DNAH11: variants seen among roughly 807,000 people sequenced by gnomAD.
DNAH11 encodes axonemal beta dynein heavy chain 11.
Under a neutral mutation model 526.0 loss-of-function variants are expected in DNAH11, and 442 were observed. The ratio of observed to expected loss-of-function variants is 0.84; its 90% CI spans 0.78 to 0.91. The LOEUF (loss-of-function observed/expected upper bound fraction) is 0.91. DNAH11 is among the 40% of genes least tolerant of loss of function. The probability of loss-of-function intolerance (pLI) is 0.00; values close to 1 mark genes in which losing one functional copy is unlikely to be tolerated. For synonymous variants in DNAH11, 2,461 were observed against 1,935.9 expected (o/e 1.27, Z -7.12); for missense variants, 6,989 against 5,448.7 (o/e 1.28, Z -8.90).
intron 65 of DNAH11, among the ~76,000 whole-genome samples, chr7:21,827,150 C>T (rs1221973647): frequency 2.0e-5 from 3 of 152,194 alleles, no homozygotes; most frequent in African/African-American, 7.2e-5. Flanking sequence ...GAACCTGGCC[C>T]ACACAGTAGA....
intron 29 of DNAH11, among the ~76,000 whole-genome samples, chr7:21,657,744 G>T (rs1267968883): frequency 1.3e-5 from 2 of 152,180 alleles, no homozygotes; most frequent in Non-Finnish European, 2.9e-5. Context: ...CTGAACTCAT[G>T]CATGTTAACA....
intron 71 of DNAH11, among the ~76,000 whole-genome samples, 197 bp from the exon 72 acceptor site, chr7:21,867,662 C>G (rs1308912988): frequency 6.6e-6 from 1 of 152,164 alleles, no homozygotes; most frequent in Non-Finnish European, 1.5e-5. Context: ...TTCAGAGCTT[C>G]TAAGGAAGAG....
chr7:21,580,251 A>G (rs2128440432), intron 8 of DNAH11, among the ~76,000 whole-genome samples: 1 of 152,306 alleles, frequency 6.6e-6, no homozygotes, highest in South Asian at 2.1e-4. Context: ...CTTAAGCCGT[A>G]TGTTCTCTAT....
chr7:21,634,760 T>C (rs1291566239), intron 25 of DNAH11, among the ~76,000 whole-genome samples: 2 of 151,750 alleles, frequency 1.3e-5, no homozygotes, highest in Non-Finnish European at 2.9e-5. Context: ...CAAACTCCCA[T>C]AACATGCAAT....
At chr7:21,675,155 C>A (rs73273558) in intron 30 of DNAH11, among the ~76,000 whole-genome samples, 13,778 of 152,256 alleles carry the variant, frequency 0.09, 948 homozygotes, top group East Asian at 0.21. Flanking sequence ...CATTATCACC[C>A]CACTTTCTAG....
intron 67 of DNAH11, among the ~76,000 whole-genome samples, chr7:21,853,213 C>A (rs1782710530): frequency 6.6e-6 from 1 of 152,162 alleles, no homozygotes; most frequent in African/African-American, 2.4e-5. Context: ...GTGATGTGCA[C>A]TTTGGACTTT....
chr7:21,621,740 G>T (rs1317137112), intron 25 of DNAH11, among the ~76,000 whole-genome samples: 3 of 152,064 alleles, frequency 2.0e-5, no homozygotes, highest in Non-Finnish European at 4.4e-5. Context: ...TATCTCAATA[G>T]ATGCAGAAAA....
intron 61 of DNAH11, among the ~76,000 whole-genome samples, chr7:21,800,737 C>T (rs1231530468): frequency 6.6e-6 from 1 of 152,148 alleles, no homozygotes; most frequent in Non-Finnish European, 1.5e-5. Flanking sequence ...GAAAAGAATC[C>T]GTGGGTGGAG....
intron 28 of DNAH11, among the ~76,000 whole-genome samples, chr7:21,653,725 G>A (rs148160477): frequency 0.01 from 1,557 of 152,240 alleles, 24 homozygotes; most frequent in African/African-American, 0.036. Flanking sequence ...GGCAGCTACC[G>A]CTCTATCTGT....
chr7:21,744,301 C>G, intron 49 of DNAH11, 137 bp from the exon 50 acceptor site: 1 of 995,114 alleles, frequency 1.0e-6, no homozygotes, highest in East Asian at 2.5e-5. Context: ...CTTTTATACA[C>G]GAACACGCAC....
chr7:21,640,202 T>C (rs1027391852), intron 28 of DNAH11, among the ~76,000 whole-genome samples: 3 of 152,222 alleles, frequency 2.0e-5, no homozygotes, highest in African/African-American at 7.2e-5. Context: ...GTGATTAAAT[T>C]GACTATGAAT....
chr7:21,545,523 A>G (rs1254213225), intron 2 of DNAH11, among the ~76,000 whole-genome samples: 2 of 152,204 alleles, frequency 1.3e-5, no homozygotes, highest in Non-Finnish European at 2.9e-5. Context: ...AGTAGAGACA[A>G]ATTTACACTT....
At position 21,744,490 on chromosome 7, in the gene DNAH11, A is replaced by G. The variant is rs956981336; in HGVS notation, c.8207A>G (p.His2736Arg). ...TTAAAAGGTCCACTTGATTTAATAC[A>G]TCTGTGGCTTCATGAATCTGCCCGT... ...ECLKGPLDLI[H>R]LWLHESARVY... Residue 2736 changes from histidine to arginine, a missense_variant, in exon 50 of 82, where the codon CAT (histidine) becomes CGT (arginine). His to Arg is a conservative substitution (Grantham distance 29). Transcript: ENST00000409508. The G allele has an allele frequency of 1.2e-6, 2 of 1,613,946 alleles. No homozygotes were observed. Among genetic ancestry groups the G allele is most frequent in the Admixed American group, 1.7e-5 (1 of 60,024 alleles).
intron 8 of DNAH11, among the ~76,000 whole-genome samples, chr7:21,577,565 A>G (rs928873251): frequency 1.3e-5 from 2 of 152,188 alleles, no homozygotes; most frequent in Non-Finnish European, 2.9e-5. Context: ...TAACAAGGCC[A>G]CCTGCACTTG....
intron 23 of DNAH11, 84 bp downstream of exon 23, chr7:21,617,861 A>G: frequency 7.2e-7 from 1 of 1,383,834 alleles, no homozygotes; most frequent in Non-Finnish European, 9.6e-7. Context: ...GATGAAGTGT[A>G]ATTTATGAAA....
At chr7:21,887,898 C>T (rs1235265384) in intron 76 of DNAH11, among the ~76,000 whole-genome samples, 4 of 152,102 alleles carry the variant, frequency 2.6e-5, no homozygotes, top group Non-Finnish European at 5.9e-5. Flanking sequence ...AATTTAAACT[C>T]GTAATCAGAC....
At chr7:21,768,940 A>G (rs1459926123) in intron 55 of DNAH11, among the ~76,000 whole-genome samples, 2 of 152,316 alleles carry the variant, frequency 1.3e-5, no homozygotes, top group Non-Finnish European at 1.5e-5. Flanking sequence ...TAGGGTATAC[A>G]TATGTAACTA....
At chr7:21,673,653 A>G (rs1053912540) in intron 30 of DNAH11, among the ~76,000 whole-genome samples, 5 of 152,110 alleles carry the variant, frequency 3.3e-5, no homozygotes, top group African/African-American at 1.2e-4. Flanking sequence ...GCTCATTCCC[A>G]TCAGTAATTA....
chr7:21,739,593 C>T lies in DNAH11; in HGVS notation c.7834C>T (p.Leu2612Phe). The change falls in exon 48 of 82, where the codon CTT (leucine) becomes TTT (phenylalanine). Residue 2612 changes from leucine (L) to phenylalanine (F), a missense_variant. Leu to Phe is a conservative substitution (Grantham distance 22). Coordinates refer to ENST00000409508, the MANE Select transcript of DNAH11 (RefSeq NM_001277115.2). ...CAGGTATGATAGACAGAAGGTGATG[C>T]TTAAAGAAATCCATAACTGCCAGTA... ...GHWYDRQKVMLKEIHNCQYVA... is the reference protein window; with the variant it reads ...GHWYDRQKVMFKEIHNCQYVA... 6.8e-6 allele frequency: 11 copies of T among 1,612,460 alleles called. No individual in the cohort carries two copies. Among genetic ancestry groups the T allele is most frequent in the Non-Finnish European group, 9.3e-6 (11 of 1,179,308 alleles).
Sources: allele counts gnomAD v4.1 joint callset (sites outside exome capture counted in the v4.1 genomes callset), GRCh38; gene constraint gnomAD v4.1.1; transcripts MANE v1.5; gene names NCBI Gene and HGNC (gene_info 2026-07-23, HGNC 2026-07-21).